ANXA11: variants seen among roughly 807,000 people sequenced by gnomAD.
ANXA11 encodes annexin A11, also known as 56 kDa autoantigen.
Under a neutral mutation model 64.7 loss-of-function variants are expected in ANXA11, and 57 were observed. That is an observed-to-expected ratio of 0.88 (90% CI 0.71 to 1.10). ANXA11 has a LOEUF of 1.10. Among genes scored for constraint, ANXA11 ranks in the 50% least tolerant of loss-of-function variants. The pLI, the probability that ANXA11 is intolerant of heterozygous loss-of-function variation, is 0.00. For synonymous variants in ANXA11, 260 were observed against 265.2 expected (o/e 0.98, Z 0.19); for missense variants, 675 against 670.7 (o/e 1.01, Z -0.07).
intron 1 of ANXA11, chr10:80,181,166 T>C (rs1185508205): frequency 6.6e-6 from 1 of 152,254 alleles, no homozygotes; most frequent in Admixed American, 6.5e-5. Context: ...AATGACAAGA[T>C]GAGGCCAGGC....
In ANXA11 at chr10:80,151,614, T is replaced by C. The variant is rs1405241479; in HGVS notation, c.*4239A>G. On this transcript the variant is annotated 3_prime_UTR_variant, in exon 16 of 16. Coordinates refer to ENST00000422982, the MANE Select transcript of ANXA11 (RefSeq NM_145868.2). The stretch of plus-strand genomic sequence containing the variant: ...AGGCCAACAGAAAATGGGCATGGCA[T>C]GGCATTAAACCACCACTTTGACCGT... The C allele has an allele frequency of 6.6e-6, 1 of 152,184 alleles. No homozygotes were observed. Among genetic ancestry groups the C allele is most frequent in the Non-Finnish European group, 1.5e-5 (1 of 68,044 alleles). The allele number at this position is 152,184 out of a possible 1,614,324, so 9.4% of individuals were successfully genotyped here. A position where few individuals can be genotyped will look rare whatever the true frequency, so the allele number is the denominator to read the frequency against.
intron 7 of ANXA11, chr10:80,166,517 T>C (rs2045625582): frequency 1.6e-5 from 7 of 436,678 alleles, no homozygotes; most frequent in Non-Finnish European, 1.2e-5. Flanking sequence ...AATATGCTCA[T>C]ACACGCCCCT....
Position 80,152,227 on chromosome 10 carries a change from A to C in ANXA11, c.*3626T>G, listed in dbSNP as rs1845169359. 6.6e-6 allele frequency: 1 copy of C among 152,192 alleles called. No individual in the cohort carries two copies. Among genetic ancestry groups the C allele is most frequent in the Non-Finnish European group, 1.5e-5 (1 of 68,044 alleles). The allele number at this position is 152,192 out of a possible 1,614,324, so 9.4% of individuals were successfully genotyped here. ...TAACATATCCAGGAGGCAGGAGAAG[A>C]CCCATTGTGTTCTATCCCAGAAAGA... On this transcript the variant is annotated 3_prime_UTR_variant, in exon 16 of 16. Coordinates refer to ENST00000422982, the MANE Select transcript of ANXA11 (RefSeq NM_145868.2).
chr10:80,154,329 C>T lies in ANXA11; in HGVS notation c.*1524G>A, dbSNP rs1376912226. 2 of 152,114 alleles carry T rather than the reference C, an allele frequency of 1.3e-5. No homozygotes were observed. Among genetic ancestry groups the T allele is most frequent in the African/African-American group, 4.8e-5 (2 of 41,412 alleles). The allele number at this position is 152,114 out of a possible 1,614,324, so 9.4% of individuals were successfully genotyped here. A position where few individuals can be genotyped will look rare whatever the true frequency, so the allele number is the denominator to read the frequency against. ...GTTGGCCAGGCTGGGTCTCGAACTC[C>T]TGACCTCAGGTGATCTGCCCGCCTC... On this transcript the variant is annotated 3_prime_UTR_variant, in exon 16 of 16. Coordinates refer to ENST00000422982, the MANE Select transcript of ANXA11 (RefSeq NM_145868.2).
intron 1 of ANXA11, among the ~76,000 whole-genome samples, chr10:80,202,050 T>C (rs964410397): frequency 6.6e-6 from 1 of 152,198 alleles, no homozygotes; most frequent in African/African-American, 2.4e-5. Flanking sequence ...CACTCCACCC[T>C]CTGCTTCACA....
intron 1 of ANXA11, among the ~76,000 whole-genome samples, chr10:80,188,202 A>G (rs1454236496): frequency 2.0e-5 from 3 of 151,878 alleles, no homozygotes; most frequent in African/African-American, 7.3e-5. Context: ...AGGGCCCCAA[A>G]CATCACAGGA....
chr10:80,183,142 C>T (rs1049054583), intron 1 of ANXA11, among the ~76,000 whole-genome samples: 6 of 152,208 alleles, frequency 3.9e-5, no homozygotes, highest in African/African-American at 1.4e-4. Context: ...TGGCTAGGCA[C>T]TCGTCCCAGG....
chr10:80,176,742 T>G (rs910715902), intron 1 of ANXA11, among the ~76,000 whole-genome samples: 1 of 152,106 alleles, frequency 6.6e-6, no homozygotes, highest in African/African-American at 2.4e-5. Context: ...CTCGTGGAGC[T>G]CATTCTTGGG....
At position 80,166,235 on chromosome 10, in the gene ANXA11, A is replaced by T. The variant is rs760877238; in HGVS notation, c.745-38T>A. ...TCAAACAAACAACCAACAAAAAAAAAAACAAGTCTATTTAAAAAATCCACA... is the reference window on the plus strand; with the variant it reads ...TCAAACAAACAACCAACAAAAAAAATAACAAGTCTATTTAAAAAATCCACA... On this transcript the variant is annotated intron_variant, in intron 7 of 15. Transcript: ENST00000422982. 22 of 1,294,256 alleles carry T rather than the reference A, an allele frequency of 1.7e-5. No individual in the cohort carries two copies. In the East Asian group the frequency reaches 5.1e-4, roughly 30 times the overall value. 80.2% of individuals were successfully genotyped at this position (1,294,256 alleles called of 1,614,324 possible). A position where few individuals can be genotyped will look rare whatever the true frequency, so the allele number is the denominator to read the frequency against.
rs539309909 is a variant in ANXA11, at chr10:80,188,960, G to C, written c.-57-12805C>G. 3.3e-5 allele frequency among the ~76,000 whole-genome samples: 5 copies of C among 152,250 alleles called. No individual in the cohort carries two copies. The East Asian group carries it at 7.7e-4, about 24-fold the overall frequency. On this transcript the variant is annotated intron_variant, in intron 1 of 15. Coordinates refer to ENST00000422982, the MANE Select transcript of ANXA11 (RefSeq NM_145868.2). ...CGGGGCCTCAGGAAAATGCTGGTAAGGGGAGGGGTAGAGGGAGGGCTTTTC... is the reference window on the plus strand; with the variant it reads ...CGGGGCCTCAGGAAAATGCTGGTAACGGGAGGGGTAGAGGGAGGGCTTTTC...
Position 80,166,949 on chromosome 10 carries a change from TC to T in ANXA11, c.684del (p.Ser229ValfsTer22). 1 of 1,607,546 alleles carries T rather than the reference TC, an allele frequency of 6.2e-7. No homozygotes were observed. ...TDEQAIIDCL[G>X]SRSNKQRQQI... ...TGCTGCCGCTGCTTGTTGGAGCGAC[TC>T]CCCAGGCAGTCAATGATGGCCTGCT... On this transcript the variant is annotated frameshift_variant, in exon 7 of 16. Transcript: ENST00000422982. LOFTEE classifies it high-confidence loss of function.
At chr10:80,172,112 T>A (rs1202147713) in intron 3 of ANXA11, among the ~76,000 whole-genome samples, 2 of 152,214 alleles carry the variant, frequency 1.3e-5, no homozygotes, top group Non-Finnish European at 2.9e-5. Context: ...ACCCTCAGGA[T>A]GACCAGCCTT....
rs539615215 is a variant in ANXA11, at chr10:80,159,161, G to A, written c.1215C>T (p.Asp405=). The change falls in exon 13 of 16, where the codon GAC becomes GAT. Residue 405 remains aspartate (D), a synonymous_variant. Transcript: ENST00000422982. ...FNEYQRMTGR[D]IEKSICREMS... ...TCTCCCGGCAGATGCTCTTCTCAAT[G>A]TCCCGGCCTGTCATTCTCTGGTACT... 9 of 1,613,994 alleles carry A rather than the reference G, an allele frequency of 5.6e-6. No homozygotes were observed. The highest frequency in any genetic ancestry group is 7.6e-6 in the Non-Finnish European group (9 of 1,180,012).
chr10:80,157,788 T>G, intron 14 of ANXA11, 25 bp from the exon 15 acceptor site: 9 of 1,606,802 alleles, frequency 5.6e-6, no homozygotes, highest in Non-Finnish European at 7.7e-6. Flanking sequence ...CCCAAGAGCA[T>G]GAGCACCAGG....
chr10:80,159,463 C>T (rs937919823), intron 12 of ANXA11, among the ~76,000 whole-genome samples: 13 of 152,166 alleles, frequency 8.5e-5, no homozygotes, highest in Non-Finnish European at 1.3e-4. Context: ...GTGATTGTCA[C>T]GAAGAGGCCA....
At chr10:80,162,583 C>T (rs1204209836) in intron 11 of ANXA11, among the ~76,000 whole-genome samples, 1 of 152,218 alleles carries the variant, frequency 6.6e-6, no homozygotes, top group African/African-American at 2.4e-5. Context: ...CAGTTTCCTC[C>T]TCCGGAAAAG....
chr10:80,199,377 G>A (rs947635044), intron 1 of ANXA11, among the ~76,000 whole-genome samples: 1 of 152,130 alleles, frequency 6.6e-6, no homozygotes, highest in African/African-American at 2.4e-5. Context: ...GATTACAGGC[G>A]TGAGCTACCG....
chr10:80,166,876 A>T lies in ANXA11; in HGVS notation c.744+14T>A, dbSNP rs1320410404. 5 of 1,592,846 alleles carry T rather than the reference A, an allele frequency of 3.1e-6. No homozygotes were observed. Among genetic ancestry groups the T allele is most frequent in the African/African-American group, 2.7e-5 (2 of 74,306 alleles). On this transcript the variant is annotated intron_variant, in intron 7 of 15. Coordinates refer to ENST00000422982, the MANE Select transcript of ANXA11 (RefSeq NM_145868.2). The stretch of plus-strand genomic sequence containing the variant: ...ACACGCCTCACTGTCCCGCGCCCCC[A>T]CCCCGCAGCTCGCCTTGCCGTAAGC...
chr10:80,163,485 T>C (rs374973624), intron 10 of ANXA11, 49 bp downstream of exon 10: 1 of 1,607,020 alleles, frequency 6.2e-7, no homozygotes, highest in South Asian at 1.1e-5. Context: ...ATCCCATCTC[T>C]TTGACTTCCA....
Sources: allele counts gnomAD v4.1 joint callset (sites outside exome capture counted in the v4.1 genomes callset), GRCh38; gene constraint gnomAD v4.1.1; transcripts MANE v1.5; gene names NCBI Gene and HGNC (gene_info 2026-07-23, HGNC 2026-07-21).